The following CARMIL1 variants were observed in gnomAD, a reference collection of about 807,000 sequenced individuals.
The protein encoded by CARMIL1 is capping protein regulator and myosin 1 linker 1.
In CARMIL1, 90 loss-of-function variants were observed where a neutral mutation model predicts 177.1. That is an observed-to-expected ratio of 0.51 (90% CI 0.43 to 0.61). The LOEUF is 0.61. Ranked by LOEUF, CARMIL1 falls within the 20% of genes least tolerant of loss-of-function variation. The pLI, the probability that CARMIL1 is intolerant of heterozygous loss-of-function variation, is 0.00. For missense variants in CARMIL1, 1,380 were observed against 1,667.0 expected (o/e 0.83, Z 3.00); for synonymous variants, 577 against 606.2 (o/e 0.95, Z 0.71).
intron 2 of CARMIL1, among the ~76,000 whole-genome samples, chr6:25,325,210 G>A (rs1369970758): frequency 6.6e-6 from 1 of 152,166 alleles, no homozygotes; most frequent in Non-Finnish European, 1.5e-5. Flanking sequence ...CCTGAGATGA[G>A]TTTTCTATAT....
chr6:25,398,108 A>G (rs983434638), intron 2 of CARMIL1, among the ~76,000 whole-genome samples: 2 of 152,202 alleles, frequency 1.3e-5, no homozygotes, highest in Non-Finnish European at 2.9e-5. Flanking sequence ...GGTTACTGCA[A>G]AAGAGGAACA....
At chr6:25,399,848 T>A (rs997174030) in intron 2 of CARMIL1, among the ~76,000 whole-genome samples, 1 of 152,246 alleles carries the variant, frequency 6.6e-6, no homozygotes, top group African/African-American at 2.4e-5. Flanking sequence ...TAATTCTCAT[T>A]AGATAACTAG....
intron 2 of CARMIL1, among the ~76,000 whole-genome samples, chr6:25,405,319 T>G (rs774892828): frequency 6.6e-6 from 1 of 152,220 alleles, no homozygotes; most frequent in African/African-American, 2.4e-5. Flanking sequence ...AGATTTTTTA[T>G]TCATTGCCAC....
intron 32 of CARMIL1, 94 bp from the exon 33 acceptor site, chr6:25,600,220 T>C: frequency 8.5e-7 from 1 of 1,173,474 alleles, no homozygotes; most frequent in South Asian, 1.5e-5. Context: ...GGTTACTGTA[T>C]ATGTAGCAAT....
chr6:25,357,309 T>C (rs560429495), intron 2 of CARMIL1, among the ~76,000 whole-genome samples: 57 of 152,292 alleles, frequency 3.7e-4, no homozygotes, highest in African/African-American at 1.3e-3. Flanking sequence ...GAAAAGTACA[T>C]AGATGCTCAT....
chr6:25,346,677 T>A (rs1177129769), intron 2 of CARMIL1, among the ~76,000 whole-genome samples: 1 of 152,170 alleles, frequency 6.6e-6, no homozygotes, highest in Non-Finnish European at 1.5e-5. Flanking sequence ...TAGGGCGTAG[T>A]TTGTGTCATG....
At chr6:25,327,190 G>A (rs1006856683) in intron 2 of CARMIL1, among the ~76,000 whole-genome samples, 3 of 152,036 alleles carry the variant, frequency 2.0e-5, no homozygotes, top group Non-Finnish European at 4.4e-5. Context: ...AGGAGAGAGG[G>A]TGCAAGAGCG....
intron 5 of CARMIL1, 57 bp from the exon 6 acceptor site, chr6:25,449,841 C>A: frequency 1.0e-6 from 1 of 973,564 alleles, no homozygotes; most frequent in Non-Finnish European, 1.5e-6. Context: ...AAATTTATTT[C>A]TATGTGCAGT....
At chr6:25,390,652 C>T (rs76214324) in intron 2 of CARMIL1, among the ~76,000 whole-genome samples, 2,500 of 152,080 alleles carry the variant, frequency 0.016, 29 homozygotes, top group Non-Finnish European at 0.024. Flanking sequence ...TAAAAACAAC[C>T]TAGGCAACTC....
chr6:25,477,876 G>A (rs533239407), intron 11 of CARMIL1, among the ~76,000 whole-genome samples: 51 of 91,186 alleles, frequency 5.6e-4, no homozygotes, highest in African/African-American at 1.7e-3. Flanking sequence ...TTTTTTTTGA[G>A]ACAAGGTCTC....
chr6:25,600,195 A>C (rs1815249290), intron 32 of CARMIL1, 119 bp from the exon 33 acceptor site: 12 of 938,630 alleles, frequency 1.3e-5, no homozygotes, highest in Non-Finnish European at 1.9e-5. Context: ...TCTGCTTTTA[A>C]AAATGCTTCT....
intron 2 of CARMIL1, among the ~76,000 whole-genome samples, chr6:25,337,754 A>C (rs1786418139): frequency 6.6e-6 from 1 of 152,240 alleles, no homozygotes; most frequent in Non-Finnish European, 1.5e-5. Context: ...AAGTACTAGA[A>C]AATGTTCTCT....
At chr6:25,409,223 G>A (rs1794689472) in intron 2 of CARMIL1, among the ~76,000 whole-genome samples, 1 of 152,198 alleles carries the variant, frequency 6.6e-6, no homozygotes, top group South Asian at 2.1e-4. Flanking sequence ...GAATAAGGCT[G>A]AGACCAGGAG....
At chr6:25,379,631 G>A (rs1791334513) in intron 2 of CARMIL1, among the ~76,000 whole-genome samples, 1 of 152,156 alleles carries the variant, frequency 6.6e-6, no homozygotes, top group South Asian at 2.1e-4. Flanking sequence ...CTAAAAGGTG[G>A]ATGGAATGAA....
intron 11 of CARMIL1, among the ~76,000 whole-genome samples, chr6:25,477,087 CAA>C (rs1162798140): frequency 6.3e-5 from 3 of 47,434 alleles, no homozygotes; most frequent in African/African-American, 7.1e-5. Context: ...AATTCCGTCT[CAA>C]AAAAAAAAAA....
intron 8 of CARMIL1, among the ~76,000 whole-genome samples, chr6:25,459,005 GT>G (rs1799772702): frequency 6.6e-6 from 1 of 151,888 alleles, no homozygotes; most frequent in Non-Finnish European, 1.5e-5. Flanking sequence ...GAAAAATAAA[GT>G]TAGAAAATCC....
At chr6:25,563,791 C>T (rs1020154302) in intron 29 of CARMIL1, 2 of 985,254 alleles carry the variant, frequency 2.0e-6, no homozygotes, top group African/African-American at 3.5e-5. Flanking sequence ...GATCACAGAA[C>T]CACCGTCTGT....
At chr6:25,490,928 G>T (rs1413379148) in intron 13 of CARMIL1, among the ~76,000 whole-genome samples, 1 of 152,162 alleles carries the variant, frequency 6.6e-6, no homozygotes, top group Admixed American at 6.5e-5. Context: ...GTTTGTTTTT[G>T]CAAGTATCCA....
chr6:25,488,365 G>A, intron 12 of CARMIL1, 117 bp from the exon 13 acceptor site: 1 of 784,206 alleles, frequency 1.3e-6, no homozygotes, highest in South Asian at 1.4e-5. Flanking sequence ...CAGGGACAGT[G>A]CTCATGGTTA....
Sources: allele counts gnomAD v4.1 joint callset (sites outside exome capture counted in the v4.1 genomes callset), GRCh38; gene constraint gnomAD v4.1.1; transcripts MANE v1.5; gene names NCBI Gene and HGNC (gene_info 2026-07-23, HGNC 2026-07-21).